The following LOC128462377 variants were observed in gnomAD, a reference collection of about 807,000 sequenced individuals.
the LOC128462377 span, among the ~76,000 whole-genome samples, chr16:89,345,224 C>T: frequency 3.9e-5 from 6 of 151,980 alleles, no homozygotes; most frequent in African/African-American, 1.2e-4. Flanking sequence ...AAAAATGGAG[C>T]GGCAAAAAAA....
At chr16:89,409,989 G>A in the LOC128462377 span, among the ~76,000 whole-genome samples, 252 of 152,058 alleles carry the variant, frequency 1.7e-3, no homozygotes, top group African/African-American at 5.6e-3. Context: ...ACAGGCGCCC[G>A]CCACCACGCC....
At chr16:89,409,936 T>G in the LOC128462377 span, among the ~76,000 whole-genome samples, 26 of 152,148 alleles carry the variant, frequency 1.7e-4, no homozygotes, top group Admixed American at 5.9e-4. Context: ...GCCTCCCGGG[T>G]TCACGCCATT....
chr16:89,380,070 T>C, the LOC128462377 span, among the ~76,000 whole-genome samples: 1 of 152,166 alleles, frequency 6.6e-6, no homozygotes, highest in Non-Finnish European at 1.5e-5. Context: ...AAATTCACTA[T>C]GGAAAGATGT....
chr16:89,347,676 C>CT, the LOC128462377 span, among the ~76,000 whole-genome samples: 1 of 151,534 alleles, frequency 6.6e-6, no homozygotes, highest in African/African-American at 2.4e-5. Context: ...TCTATTTCTC[C>CT]TTATCGGTTT....
At chr16:89,410,154 A>G in the LOC128462377 span, among the ~76,000 whole-genome samples, 1 of 152,078 alleles carries the variant, frequency 6.6e-6, no homozygotes, top group South Asian at 2.1e-4. Flanking sequence ...CTAAATTTAA[A>G]ACACAGTTTG....
chr16:89,398,843 G>A, the LOC128462377 span, among the ~76,000 whole-genome samples: 2 of 152,236 alleles, frequency 1.3e-5, no homozygotes, highest in East Asian at 3.9e-4. Context: ...AAGCAAAGGT[G>A]CTTTCTGGCC....
chr16:89,401,254 T>C, the LOC128462377 span, among the ~76,000 whole-genome samples: 1 of 152,020 alleles, frequency 6.6e-6, no homozygotes, highest in Non-Finnish European at 1.5e-5. Flanking sequence ...AACATTTGGA[T>C]TTTTAGTAGA....
chr16:89,323,525 A>AGGGCAGGGGGGCTGAGCCCG, the LOC128462377 span, among the ~76,000 whole-genome samples: 1 of 78,986 alleles, frequency 1.3e-5, no homozygotes, highest in Admixed American at 1.5e-4. Flanking sequence ...GGCTGAGCCG[A>AGGGCAGGGGGGCTGAGCCCG]GGGCAGGGGG....
chr16:89,345,340 AC>A, the LOC128462377 span, among the ~76,000 whole-genome samples: 199 of 145,312 alleles, frequency 1.4e-3, 1 homozygote, highest in African/African-American at 4.9e-3. Context: ...CAGTGCCGAC[AC>A]CCCCCGGCAC....
the LOC128462377 span, among the ~76,000 whole-genome samples, chr16:89,344,977 C>T: frequency 3.3e-5 from 5 of 152,306 alleles, no homozygotes; most frequent in African/African-American, 1.2e-4. Context: ...GGAAAAAGCA[C>T]AAACACAGCA....
the LOC128462377 span, among the ~76,000 whole-genome samples, chr16:89,408,018 C>T: frequency 1.3e-5 from 2 of 152,178 alleles, no homozygotes; most frequent in African/African-American, 4.8e-5. Flanking sequence ...CACTCCCCAG[C>T]TACAGCTGCC....
chr16:89,324,434 T>A, the LOC128462377 span: 1 of 467,426 alleles, frequency 2.1e-6, no homozygotes. Flanking sequence ...AAAACCAAGG[T>A]AAGTGTGAGG....
the LOC128462377 span, among the ~76,000 whole-genome samples, chr16:89,318,675 G>A: frequency 2.0e-5 from 3 of 152,208 alleles, no homozygotes; most frequent in Non-Finnish European, 2.9e-5. Flanking sequence ...ACCACAAGAT[G>A]CTTCTCCTCC....
At chr16:89,385,483 C>T in the LOC128462377 span, among the ~76,000 whole-genome samples, 2 of 152,088 alleles carry the variant, frequency 1.3e-5, no homozygotes, top group African/African-American at 4.8e-5. Flanking sequence ...AAGCCAGCAC[C>T]GGGCAGAGGG....
chr16:89,349,133 G>GAAAAAAAAAAAAAAAAAAAA, the LOC128462377 span, among the ~76,000 whole-genome samples: 1 of 1,576 alleles, frequency 6.3e-4, no homozygotes, highest in Non-Finnish European at 1.2e-3. Context: ...GTCTCAAAAA[G>GAAAAAAAAAAAAAAAAAAAA]TAAAAAAAAA....
the LOC128462377 span, among the ~76,000 whole-genome samples, chr16:89,394,639 A>C: frequency 8.2e-3 from 1,241 of 152,072 alleles, 17 homozygotes; most frequent in South Asian, 0.031. Context: ...CAAAAAAAAA[A>C]AAACAAACAA....
At chr16:89,398,153 C>T in the LOC128462377 span, among the ~76,000 whole-genome samples, 2 of 151,404 alleles carry the variant, frequency 1.3e-5, no homozygotes, top group Non-Finnish European at 2.9e-5. Context: ...CTGAAGACTA[C>T]CTGTGACCTC....
the LOC128462377 span, among the ~76,000 whole-genome samples, chr16:89,380,994 C>T: frequency 1.3e-5 from 2 of 152,102 alleles, no homozygotes; most frequent in African/African-American, 2.4e-5. Context: ...CGAGTGAAGC[C>T]CCTGAGCACA....
chr16:89,416,006 T>A, the LOC128462377 span, among the ~76,000 whole-genome samples: 1 of 151,898 alleles, frequency 6.6e-6, no homozygotes, highest in African/African-American at 2.4e-5. Context: ...ACAGACCTCA[T>A]GCTAAGGGCC....
Sources: gnomAD v4.1 joint callset for allele counts (sites outside exome capture counted in the v4.1 genomes callset) on GRCh38, gnomAD v4.1.1 for gene constraint, MANE v1.5 for transcripts.